The following PCK2 variants were observed in gnomAD, a reference collection of about 807,000 sequenced individuals.
PCK2 encodes phosphoenolpyruvate carboxykinase 2, mitochondrial, also known as phosphoenolpyruvate carboxykinase [GTP], mitochondrial.
A neutral mutation model predicts 65.9 loss-of-function variants in PCK2; 56 were observed. The observed-to-expected ratio is 0.85, with a 90% CI of 0.69 to 1.06. The LOEUF (loss-of-function observed/expected upper bound fraction) is 1.06, where lower values mean the gene tolerates loss of function less well. PCK2 is among the 50% of genes least tolerant of loss of function. The pLI, the probability that PCK2 is intolerant of heterozygous loss-of-function variation, is 0.00. For synonymous variants in PCK2, 305 were observed against 319.6 expected, an observed-to-expected ratio of 0.95 and a Z score of 0.49; for missense variants, 843 against 863.1, an observed-to-expected ratio of 0.98 and a Z score of 0.29.
Position 24,096,954 on chromosome 14 carries a change from G to A in PCK2, c.92G>A (p.Arg31Gln), listed in dbSNP as rs2229660. Residue 31 changes from arginine to glutamine, a missense_variant, in exon 2 of 10, where the codon CGA (arginine) becomes CAA (glutamine). Coordinates refer to ENST00000216780, the MANE Select transcript of PCK2 (RefSeq NM_004563.4). Reference protein sequence around the residue: ...WPSCRSIQTLRVLSGDLGQLP... With the variant: ...WPSCRSIQTLQVLSGDLGQLP... ...TCATGCCGTAGCATCCAGACCCTGC[G>A]AGTGCTTAGTGGAGATCTGGGCCAG... The A allele has an allele frequency of 1.2e-4, 186 of 1,613,582 alleles. 1 individual carries two copies. The highest frequency in any genetic ancestry group is 1.0e-3 in the African/African-American group (78 of 74,984).
rs1298557532 is a variant in PCK2 at position 24,102,861 on chromosome 14, C to T, written c.1343C>T (p.Ala448Val). Residue 448 changes from alanine (A) to valine (V), a missense_variant, in exon 8 of 10, where the codon GCC becomes GTC. Transcript: ENST00000216780. Reference sequence around the variant, plus strand: ...GCCCCAGAGGGTGTCCCCATTGACGCCATCATCTTTGGTGGCCGCAGACCC... The same window carrying T: ...GCCCCAGAGGGTGTCCCCATTGACGTCATCATCTTTGGTGGCCGCAGACCC... ...WEAPEGVPID[A>V]IIFGGRRPKG... 2 of 1,613,998 alleles carry T rather than the reference C, an allele frequency of 1.2e-6. No individual in the cohort carries two copies. The highest frequency in any genetic ancestry group is 2.2e-5 in the South Asian group (2 of 91,066).
At position 24,103,746 on chromosome 14, in the gene PCK2, C is replaced by T. The variant is rs532946144; in HGVS notation, c.1705C>T (p.Arg569Ter). The T allele has an allele frequency of 1.1e-5, 18 of 1,614,016 alleles. No individual in the cohort carries two copies. Among genetic ancestry groups the T allele is most frequent in the Middle Eastern group, 1.6e-4 (1 of 6,084 alleles). ...GCGGTTAGAGGGGGAGGACAGTGCCCGAGAGACACCCATTGGGCTGGTGCC... is the reference window on the plus strand; with the variant it reads ...GCGGTTAGAGGGGGAGGACAGTGCCTGAGAGACACCCATTGGGCTGGTGCC... Reference protein sequence around the residue: ...CRRLEGEDSARETPIGLVPKE... With the variant: ...CRRLEGEDSA Residue 569 changes from arginine (R) to a stop codon, truncating the protein, a stop_gained, in exon 10 of 10, where the codon CGA becomes TGA. Transcript: ENST00000216780. LOFTEE classifies it high-confidence loss of function.
rs201814810 is a variant in PCK2 at position 24,099,204 on chromosome 14, C to T, written c.820C>T (p.Arg274Trp). The change falls in exon 5 of 10, where the codon CGG becomes TGG. Residue 274 changes from arginine (R) to tryptophan (W), a missense_variant. Physicochemically the swap from Arg to Trp is moderately radical, Grantham distance 101. Transcript: ENST00000216780. ...CCTACGCATCGCCTCTCGGCTGGCC[C>T]GGGATGAGGGCTGGCTGGCAGAGCA... ...FALRIASRLARDEGWLAEHML... is the reference protein window; with the variant it reads ...FALRIASRLAWDEGWLAEHML... 6.2e-5 allele frequency: 100 copies of T among 1,601,592 alleles called. No homozygotes were observed. The highest frequency in any genetic ancestry group is 8.3e-5 in the Admixed American group (5 of 59,962).
At chr14:24,098,987 TG>T in intron 4 of PCK2, 61 bp from the exon 5 acceptor site, 1 of 1,324,138 alleles carries the variant, frequency 7.6e-7, no homozygotes. Flanking sequence ...CTGATCCCTC[TG>T]GCCCCGACAC....
Position 24,100,004 on chromosome 14 carries a change from G to A in PCK2, c.1025G>A (p.Arg342Gln), listed in dbSNP as rs770977717. The change falls in exon 7 of 10, where the codon CGG (arginine) becomes CAG (glutamine). Residue 342 changes from arginine (R) to glutamine (Q), a missense_variant. By Grantham distance (43) the Arg-to-Gln change is conservative (BLOSUM62 1). Coordinates refer to ENST00000216780, the MANE Select transcript of PCK2 (RefSeq NM_004563.4). Reference protein sequence around the residue: ...WMRFDSEGRLRAINPENGFFG... With the variant: ...WMRFDSEGRLQAINPENGFFG... Reference sequence around the variant, plus strand: ...TCACTTCTCCTAACAGGTCGACTCCGGGCCATCAACCCTGAGAACGGCTTC... The same window carrying A: ...TCACTTCTCCTAACAGGTCGACTCCAGGCCATCAACCCTGAGAACGGCTTC... The A allele has an allele frequency of 4.5e-5, 72 of 1,613,978 alleles. No homozygotes were observed. The highest frequency in any genetic ancestry group is 5.0e-5 in the Non-Finnish European group (59 of 1,180,002).
intron 9 of PCK2, 100 bp from the exon 10 acceptor site, chr14:24,103,410 G>T: frequency 8.1e-7 from 1 of 1,236,188 alleles, no homozygotes; most frequent in Non-Finnish European, 1.2e-6. Flanking sequence ...AAGATATTCA[G>T]AACCATAAGC....
intron 2 of PCK2, among the ~76,000 whole-genome samples, chr14:24,097,971 T>C (rs1330022765): frequency 1.3e-5 from 2 of 151,972 alleles, no homozygotes; most frequent in East Asian, 3.9e-4. Flanking sequence ...TTTTTTTTTT[T>C]CCTCACCAGT....
rs1183635515 is a variant in PCK2 at position 24,094,348 on chromosome 14, C to T, written c.-58C>T. 1.4e-5 allele frequency: 21 copies of T among 1,493,200 alleles called. No individual in the cohort carries two copies. Among genetic ancestry groups the T allele is most frequent in the Middle Eastern group, 1.8e-4 (1 of 5,596 alleles). The allele number at this position is 1,493,200 out of a possible 1,614,324, so 92.5% of individuals were successfully genotyped here. On this transcript the variant is annotated 5_prime_UTR_variant, in exon 1 of 10. Coordinates refer to ENST00000216780, the MANE Select transcript of PCK2 (RefSeq NM_004563.4). This position sits in a 1 kb window ranked among gnomAD's most constrained non-coding sequence, Gnocchi z 4.1. Reference sequence around the variant, plus strand: ...GCCGCGCTCCCTCCTTCCCCGCCTTCCATACCTCCCCGGCTCCGCTCGGTT... The same window carrying T: ...GCCGCGCTCCCTCCTTCCCCGCCTTTCATACCTCCCCGGCTCCGCTCGGTT...
intron 6 of PCK2, 84 bp from the exon 7 acceptor site, chr14:24,099,911 G>C: frequency 6.2e-7 from 1 of 1,612,414 alleles, no homozygotes; most frequent in South Asian, 1.1e-5. Context: ...CTCAGGACAG[G>C]GGTGGGTGGA....
intron 2 of PCK2, 94 bp from the exon 3 acceptor site, chr14:24,098,108 GA>G: frequency 1.0e-6 from 1 of 1,001,818 alleles, no homozygotes; most frequent in East Asian, 2.6e-5. Context: ...AAGGCCAACA[GA>G]AGACCTGGAG....
chr14:24,095,082 G>C, intron 1 of PCK2: 2 of 456,100 alleles, frequency 4.4e-6, no homozygotes, highest in South Asian at 3.1e-5. Context: ...CCCCAGGCTC[G>C]TCCTGTTTGT....
At chr14:24,096,441 T>A (rs1229966220) in intron 1 of PCK2, among the ~76,000 whole-genome samples, 2 of 152,068 alleles carry the variant, frequency 1.3e-5, no homozygotes, top group Non-Finnish European at 2.9e-5. Context: ...TTCACCATGT[T>A]GCCCAGTATG....
At chr14:24,102,073 A>C (rs1566580267) in intron 7 of PCK2, among the ~76,000 whole-genome samples, 1 of 144,446 alleles carries the variant, frequency 6.9e-6, no homozygotes, top group South Asian at 2.2e-4. Context: ...TAAAAATACA[A>C]AAAAATCAGC....
Position 24,096,986 on chromosome 14 carries a change from A to G in PCK2, c.124A>G (p.Thr42Ala). 3.1e-6 allele frequency: 5 copies of G among 1,613,400 alleles called. No homozygotes were observed. Among genetic ancestry groups the G allele is most frequent in the Non-Finnish European group, 4.2e-6 (5 of 1,179,738 alleles). ...TAGTGGAGATCTGGGCCAGCTTCCC[A>G]CTGGCATTCGAGATTTTGTAGAGCA... ...VLSGDLGQLP[T>A]GIRDFVEHSA... is the part of the protein sequence containing the mutation. Residue 42 changes from threonine (T) to alanine (A), a missense_variant, in exon 2 of 10, where the codon ACT (threonine) becomes GCT (alanine). By Grantham distance (58) the Thr-to-Ala change is moderately conservative (BLOSUM62 0). Coordinates refer to ENST00000216780, the MANE Select transcript of PCK2 (RefSeq NM_004563.4).
At chr14:24,103,100 G>T in intron 8 of PCK2, 60 bp from the exon 9 acceptor site, 1 of 1,374,514 alleles carries the variant, frequency 7.3e-7, no homozygotes, top group South Asian at 1.2e-5. Context: ...CTCACCAGAA[G>T]GGCTGGAGTT....
At chr14:24,096,727 ATGTGT>A (rs2036901352) in intron 1 of PCK2, among the ~76,000 whole-genome samples, 160 bp from the exon 2 acceptor site, 4 of 152,138 alleles carry the variant, frequency 2.6e-5, no homozygotes, top group African/African-American at 9.7e-5. Context: ...TACAAGATAC[ATGTGT>A]CCTGAACACA....
intron 5 of PCK2, 68 bp downstream of exon 5, chr14:24,099,304 C>A: frequency 7.0e-7 from 1 of 1,438,328 alleles, no homozygotes; most frequent in Non-Finnish European, 9.4e-7. Flanking sequence ...GCCAGTCTGC[C>A]TCAGCCTCAC....
intron 6 of PCK2, 82 bp from the exon 7 acceptor site, chr14:24,099,913 G>A: frequency 6.2e-7 from 1 of 1,612,620 alleles, no homozygotes; most frequent in Non-Finnish European, 8.5e-7. Flanking sequence ...CAGGACAGGG[G>A]TGGGTGGAGC....
At position 24,100,184 on chromosome 14, in the gene PCK2, C is replaced by T. The variant is rs773753888; in HGVS notation, c.1205C>T (p.Thr402Ile). 5.6e-6 allele frequency: 9 copies of T among 1,614,072 alleles called. No individual in the cohort carries two copies. The African/African-American group carries it at 8.0e-5, about 14-fold the overall frequency. The change falls in exon 7 of 10, where the codon ACC becomes ATC. Residue 402 changes from threonine to isoleucine, a missense_variant. Physicochemically the swap from Thr to Ile is moderately conservative, Grantham distance 89. Coordinates refer to ENST00000216780, the MANE Select transcript of PCK2 (RefSeq NM_004563.4). ...CCTCTTCCACCTGGTGTTACTGTGACCTCCTGGCTGGGCAAACCCTGGAAA... is the reference window on the plus strand; with the variant it reads ...CCTCTTCCACCTGGTGTTACTGTGATCTCCTGGCTGGGCAAACCCTGGAAA... ...DQPLPPGVTV[T>I]SWLGKPWKPG...
Sources: allele counts gnomAD v4.1 joint callset (sites outside exome capture counted in the v4.1 genomes callset), GRCh38; gene constraint gnomAD v4.1.1; non-coding constraint Gnocchi (gnomAD v3.1); transcripts MANE v1.5; gene names NCBI Gene and HGNC (gene_info 2026-07-23, HGNC 2026-07-21).